The following CACNA2D2 variants were observed in gnomAD, a reference collection of about 807,000 sequenced individuals.
The protein encoded by CACNA2D2 is calcium voltage-gated channel auxiliary subunit alpha2delta 2.
CACNA2D2 carries 48 observed loss-of-function variants against 166.4 expected under a neutral mutation model. The observed-to-expected ratio is 0.29, with a 90% confidence interval of 0.23 to 0.37. The LOEUF is 0.37. CACNA2D2 is among the 10% of genes least tolerant of loss of function. The pLI, the probability that CACNA2D2 is intolerant of heterozygous loss-of-function variation, is 1.00. For missense variants in CACNA2D2, 1,122 were observed against 1,433.0 expected, an observed-to-expected ratio of 0.78 and a Z score of 3.50; for synonymous variants, 561 against 573.7, an observed-to-expected ratio of 0.98 and a Z score of 0.32.
intron 2 of CACNA2D2, among the ~76,000 whole-genome samples, chr3:50,442,059 A>T (rs904903326): frequency 1.3e-5 from 2 of 152,248 alleles, no homozygotes; most frequent in Non-Finnish European, 2.9e-5. Context: ...GTTAGATAAC[A>T]GCATTCCTAT....
chr3:50,368,222 C>T lies in CACNA2D2; in HGVS notation c.2059G>A (p.Asp687Asn). ...GTGTTGTTGTCTGAGGCATTCAGGT[C>T]CTTGCAGTACTCTCTAGGGATGGGG... ...VFIAPREYCKDLNASDNNTEF... is the reference protein window; with the variant it reads ...VFIAPREYCKNLNASDNNTEF... The change falls in exon 24 of 38, where the codon GAC (aspartate) becomes AAC (asparagine). Residue 687 changes from aspartate to asparagine, a missense_variant. Around this residue, in one of 2 missense-constraint regions of CACNA2D2, gnomAD observed 840 missense variants for 1,166.8 expected, o/e 0.72. Transcript: ENST00000424201. 6.2e-7 allele frequency: 1 copy of T among 1,610,804 alleles called. No homozygotes were observed. The highest frequency in any genetic ancestry group is 1.1e-5 in the South Asian group (1 of 91,002).
intron 2 of CACNA2D2, among the ~76,000 whole-genome samples, chr3:50,455,453 G>A (rs560001351): frequency 1.3e-5 from 2 of 152,194 alleles, no homozygotes; most frequent in Non-Finnish European, 2.9e-5. Flanking sequence ...CTCCCTCCAC[G>A]CTCCAGAGCT....
chr3:50,393,979 C>T (rs734767), intron 4 of CACNA2D2, 130 bp downstream of exon 4: 3 of 746,842 alleles, frequency 4.0e-6, no homozygotes, highest in South Asian at 1.6e-5. Flanking sequence ...TGTTGGACAC[C>T]GGCTTCTGGC....
Position 50,380,021 on chromosome 3 carries a change from G to A in CACNA2D2, c.843-3C>T. The A allele has an allele frequency of 6.2e-7, 1 of 1,614,010 alleles. No individual in the cohort carries two copies. Among genetic ancestry groups the A allele is most frequent in the Non-Finnish European group, 8.5e-7 (1 of 1,180,002 alleles). ...GTGACGAGGCCCCCTGGATATACCTGCCCAGGAGATGCCTCTGTTAGGGTA... is the reference window on the plus strand; with the variant it reads ...GTGACGAGGCCCCCTGGATATACCTACCCAGGAGATGCCTCTGTTAGGGTA... On this transcript the variant is annotated splice_region_variant and splice_polypyrimidine_tract_variant and intron_variant, in intron 8 of 37. Transcript: ENST00000424201. This position sits in a 1 kb window ranked among gnomAD's most constrained non-coding sequence, Gnocchi z 4.9.
chr3:50,476,353 C>A (rs530729221), intron 1 of CACNA2D2, among the ~76,000 whole-genome samples, 154 bp from the exon 2 acceptor site: 1 of 152,228 alleles, frequency 6.6e-6, no homozygotes, highest in Non-Finnish European at 1.5e-5. Flanking sequence ...CAAGCACCTG[C>A]GATTCCCCTT....
intron 1 of CACNA2D2, among the ~76,000 whole-genome samples, chr3:50,494,683 T>C (rs1337766314): frequency 1.3e-5 from 2 of 152,072 alleles, no homozygotes; most frequent in Non-Finnish European, 2.9e-5. Flanking sequence ...TTATTATTTA[T>C]TTATTTATAA....
chr3:50,478,126 C>T (rs553303616), intron 1 of CACNA2D2, among the ~76,000 whole-genome samples: 15 of 152,300 alleles, frequency 9.8e-5, no homozygotes, highest in Middle Eastern at 6.8e-3. Flanking sequence ...AGCCGGATTC[C>T]CTCCTCCGCT....
At chr3:50,382,428 C>T (rs2106678314) in intron 6 of CACNA2D2, among the ~76,000 whole-genome samples, 1 of 152,332 alleles carries the variant, frequency 6.6e-6, no homozygotes, top group South Asian at 2.1e-4. Flanking sequence ...GGCACTGACA[C>T]ACTCTGGGGC....
intron 1 of CACNA2D2, among the ~76,000 whole-genome samples, chr3:50,482,576 C>G (rs1293695308): frequency 1.3e-5 from 2 of 152,210 alleles, no homozygotes; most frequent in Non-Finnish European, 2.9e-5. Flanking sequence ...GACGGCTGCC[C>G]CACACACTCA....
At chr3:50,480,687 G>A (rs1575757506) in intron 1 of CACNA2D2, among the ~76,000 whole-genome samples, 2 of 149,686 alleles carry the variant, frequency 1.3e-5, no homozygotes, top group Admixed American at 6.7e-5. Flanking sequence ...CTGCAGCTGA[G>A]CACCCCTTTA....
intron 23 of CACNA2D2, among the ~76,000 whole-genome samples, chr3:50,369,883 G>A (rs753010361): frequency 1.7e-4 from 26 of 152,240 alleles, no homozygotes; most frequent in Non-Finnish European, 3.1e-4. Flanking sequence ...GCTCTGGCTG[G>A]CTCGGCCCCC....
At position 50,476,140 on chromosome 3, in the gene CACNA2D2, C is replaced by A; in HGVS notation, c.266G>T (p.Gly89Val). Residue 89 changes from glycine (G) to valine (V), a missense_variant, in exon 2 of 38, where the codon GGA (glycine) becomes GTA (valine). By Grantham distance (109) the Gly-to-Val change is moderately radical. Transcript: ENST00000424201. Reference sequence around the variant, plus strand: ...CACCTCACGGAGCTGCTGGACGCCTCCAAAAATCCGCATCACGCCGTCGAC... The same window carrying A: ...CACCTCACGGAGCTGCTGGACGCCTACAAAAATCCGCATCACGCCGTCGAC... ...QEVDGVMRIF[G>V]GVQQLREIYK... 1 of 1,603,030 alleles carries A rather than the reference C, an allele frequency of 6.2e-7. No homozygotes were observed.
Position 50,429,445 on chromosome 3 carries a change from A to G in CACNA2D2, c.405+4868T>C, listed in dbSNP as rs772557375. Among the ~76,000 whole-genome samples the G allele has an allele frequency of 5.3e-5, 8 of 151,698 alleles. No individual in the cohort carries two copies. The South Asian group carries it at 1.7e-3, about 32-fold the overall frequency. On this transcript the variant is annotated intron_variant, in intron 3 of 37. Coordinates refer to ENST00000424201, the MANE Select transcript of CACNA2D2 (RefSeq NM_006030.4). ...ATCCTGGGAAGTAAAGATTTCGACCATTTTCTGGGAAAAATCCTGAACTCT... is the reference window on the plus strand; with the variant it reads ...ATCCTGGGAAGTAAAGATTTCGACCGTTTTCTGGGAAAAATCCTGAACTCT...
chr3:50,485,091 C>G (rs1342112722), intron 1 of CACNA2D2, among the ~76,000 whole-genome samples: 3 of 152,238 alleles, frequency 2.0e-5, no homozygotes, highest in African/African-American at 7.2e-5. Flanking sequence ...GGCCCTGGCG[C>G]TAGAGCAGCC....
intron 3 of CACNA2D2, among the ~76,000 whole-genome samples, chr3:50,410,493 G>A (rs1375362453): frequency 1.4e-5 from 2 of 138,648 alleles, no homozygotes; most frequent in African/African-American, 2.7e-5. Context: ...GGGGGGGGGT[G>A]TTGTCTTTGT....
chr3:50,368,251 G>A lies in CACNA2D2; in HGVS notation c.2046-16C>T, dbSNP rs1704458467. On this transcript the variant is annotated splice_polypyrimidine_tract_variant and intron_variant, in intron 23 of 37. Coordinates refer to ENST00000424201, the MANE Select transcript of CACNA2D2 (RefSeq NM_006030.4). Reference sequence around the variant, plus strand: ...GCAGTACTCTCTAGGGATGGGGAGGGGCAAGAAGAGTGGGCTTGGGGGGCT... The same window carrying A: ...GCAGTACTCTCTAGGGATGGGGAGGAGCAAGAAGAGTGGGCTTGGGGGGCT... The A allele has an allele frequency of 6.5e-7, 1 of 1,532,704 alleles. No individual in the cohort carries two copies. 94.9% of individuals were successfully genotyped at this position (1,532,704 alleles called of 1,614,324 possible).
chr3:50,482,059 C>T (rs114614876), intron 1 of CACNA2D2, among the ~76,000 whole-genome samples: 2,301 of 152,292 alleles, frequency 0.015, 35 homozygotes, highest in Non-Finnish European at 0.025. Context: ...TTCCACTGGC[C>T]TGTTACCTCC....
At chr3:50,411,189 C>T (rs190790928) in intron 3 of CACNA2D2, among the ~76,000 whole-genome samples, 8 of 152,260 alleles carry the variant, frequency 5.3e-5, no homozygotes, top group African/African-American at 1.4e-4. Context: ...CCCAGGGGAC[C>T]GCTCCTCAAA....
intron 2 of CACNA2D2, among the ~76,000 whole-genome samples, chr3:50,439,071 G>T (rs746447394): frequency 6.6e-6 from 1 of 152,224 alleles, no homozygotes; most frequent in African/African-American, 2.4e-5. Context: ...GAACTGGGTC[G>T]AATCCAAAGC....
Sources: gnomAD v4.1 joint callset for allele counts (sites outside exome capture counted in the v4.1 genomes callset) on GRCh38, gnomAD v4.1.1 for gene constraint, gnomAD v4.1.1 regional missense constraint, Gnocchi (gnomAD v3.1) non-coding constraint, MANE v1.5 for transcripts, NCBI Gene and HGNC (gene_info 2026-07-23, HGNC 2026-07-21) for gene names.